The following ANK1 variants were observed in gnomAD, a reference collection of about 807,000 sequenced individuals.
ANK1 encodes the protein ankyrin 1.
Under a neutral mutation model 210.4 loss-of-function variants are expected in ANK1, and 51 were observed. The observed-to-expected ratio is 0.24, with a 90% CI of 0.19 to 0.31. ANK1 has a LOEUF of 0.31. ANK1 is among the 10% of genes least tolerant of loss of function. The probability of loss-of-function intolerance (pLI) is 1.00; values close to 1 mark genes in which losing one functional copy is unlikely to be tolerated. For synonymous variants in ANK1, 967 were observed against 1,025.9 expected, an observed-to-expected ratio of 0.94 and a Z score of 1.10; for missense variants, 2,051 against 2,504.4, an observed-to-expected ratio of 0.82 and a Z score of 3.86.
chr8:41,868,343 TATG>T (rs748349536), intron 1 of ANK1, among the ~76,000 whole-genome samples: 3 of 152,152 alleles, frequency 2.0e-5, no homozygotes, highest in Non-Finnish European at 2.9e-5. Context: ...TCCTCCCAAT[TATG>T]ATACCTTACA....
At chr8:41,837,372 T>C (rs974503247) in intron 1 of ANK1, among the ~76,000 whole-genome samples, 7 of 152,162 alleles carry the variant, frequency 4.6e-5, no homozygotes, top group African/African-American at 7.2e-5. Flanking sequence ...TTTTTATTAC[T>C]TGCGCTGTGG....
chr8:41,720,490 AG>A (rs1345989502), intron 9 of ANK1, among the ~76,000 whole-genome samples: 7 of 152,190 alleles, frequency 4.6e-5, no homozygotes, highest in Admixed American at 2.6e-4. Flanking sequence ...TAAAAGAGAG[AG>A]GAGACTCATT....
At chr8:41,792,987 T>A (rs1848052409) in intron 1 of ANK1, among the ~76,000 whole-genome samples, 1 of 152,196 alleles carries the variant, frequency 6.6e-6, no homozygotes, top group Admixed American at 6.5e-5. Flanking sequence ...GTCCCACCCA[T>A]GTAGAGTTTC....
rs190769777 is a variant in ANK1, at chr8:41,700,577, C to A, written c.2461+973G>T. On this transcript the variant is annotated intron_variant, in intron 22 of 42. Coordinates refer to ENST00000289734, the MANE Select transcript of ANK1 (RefSeq NM_000037.4). ...TTCTCTAGTTGACAAAGTTATACAA[C>A]CATGAAATTATCCAGATGGAAGGGA... 4,477 of 1,014,396 alleles carry A rather than the reference C, an allele frequency of 4.4e-3. 24 individuals are homozygous for A. Among genetic ancestry groups the A allele is most frequent in the Non-Finnish European group, 5.4e-3 (3,505 of 646,264 alleles). The allele number at this position is 1,014,396 out of a possible 1,614,324, so 62.8% of individuals were successfully genotyped here. A position where few individuals can be genotyped will look rare whatever the true frequency, so the allele number is the denominator to read the frequency against.
At chr8:41,872,088 A>T (rs1227184610) in intron 1 of ANK1, among the ~76,000 whole-genome samples, 1 of 152,164 alleles carries the variant, frequency 6.6e-6, no homozygotes, top group Admixed American at 6.5e-5. Flanking sequence ...TATTTCAGAA[A>T]CAGACGAGCC....
At chr8:41,730,042 A>G (rs1831725841) in intron 3 of ANK1, among the ~76,000 whole-genome samples, 1 of 152,374 alleles carries the variant, frequency 6.6e-6, no homozygotes, top group Non-Finnish European at 1.5e-5. Context: ...TCTTTTTACT[A>G]AACTACATAA....
chr8:41,745,539 G>A (rs909166839), intron 2 of ANK1, among the ~76,000 whole-genome samples: 1 of 152,208 alleles, frequency 6.6e-6, no homozygotes, highest in South Asian at 2.1e-4. Flanking sequence ...GGGAGGTAAG[G>A]AGGAGTGGTG....
chr8:41,674,301 A>T (rs1813464734), intron 37 of ANK1, among the ~76,000 whole-genome samples: 1 of 152,138 alleles, frequency 6.6e-6, no homozygotes, highest in Non-Finnish European at 1.5e-5. Context: ...CCAAACACAC[A>T]TGCACACACA....
In ANK1 at chr8:41,663,955, C is replaced by A. The variant is rs113301876; in HGVS notation, c.5395-213G>T. 1.7e-5 allele frequency: 11 copies of A among 644,368 alleles called. 1 individual carries two copies. Among genetic ancestry groups the A allele is most frequent in the East Asian group, 2.9e-5 (1 of 34,090 alleles). 39.9% of individuals were successfully genotyped at this position (644,368 alleles called of 1,614,324 possible). A position where few individuals can be genotyped will look rare whatever the true frequency, so the allele number is the denominator to read the frequency against. On this transcript the variant is annotated intron_variant, in intron 39 of 42. Coordinates refer to ENST00000289734, the MANE Select transcript of ANK1 (RefSeq NM_000037.4). Reference sequence around the variant, plus strand: ...AGGGTCTGGGAGGCCTGAAGACGAACGGTCGAGCTCACAATTGTGCACTTG... The same window carrying A: ...AGGGTCTGGGAGGCCTGAAGACGAAAGGTCGAGCTCACAATTGTGCACTTG...
intron 1 of ANK1, among the ~76,000 whole-genome samples, chr8:41,794,883 T>C (rs1414651715): frequency 6.6e-6 from 1 of 152,076 alleles, no homozygotes; most frequent in Admixed American, 6.6e-5. Flanking sequence ...TTTTTTTATT[T>C]TTAACAGAGG....
At chr8:41,771,969 G>A (rs911761959) in intron 1 of ANK1, among the ~76,000 whole-genome samples, 2 of 152,120 alleles carry the variant, frequency 1.3e-5, no homozygotes, top group Non-Finnish European at 1.5e-5. Context: ...ATTCTCAGGC[G>A]ACTCTGCCTC....
chr8:41,762,740 A>AG lies in ANK1; in HGVS notation c.28-4604_28-4603insC, dbSNP rs1336482947. On this transcript the variant is annotated intron_variant, in intron 1 of 42. Transcript: ENST00000289734. ...TGTCTAGATTCAGTTATTAGGAAAA[A>AG]CACTATATTATTCCCCAAGAATAAG... Among the ~76,000 whole-genome samples, 3 of 152,204 alleles carry AG rather than the reference A, an allele frequency of 2.0e-5. No homozygotes were observed. In the East Asian group the frequency reaches 5.8e-4, roughly 29 times the overall value.
At chr8:41,772,032 A>G (rs1375503621) in intron 1 of ANK1, among the ~76,000 whole-genome samples, 5 of 152,196 alleles carry the variant, frequency 3.3e-5, no homozygotes, top group Non-Finnish European at 5.9e-5. Flanking sequence ...GTGGCCAGTC[A>G]GAGACATGAA....
intron 1 of ANK1, among the ~76,000 whole-genome samples, chr8:41,848,185 CAAAA>C (rs1225240176): frequency 2.6e-5 from 2 of 76,124 alleles, no homozygotes; most frequent in Non-Finnish European, 5.7e-5. Context: ...GACTCAATTT[CAAAA>C]ATAAATAAAT....
intron 1 of ANK1, among the ~76,000 whole-genome samples, chr8:41,835,520 C>T (rs1034160046): frequency 3.3e-5 from 5 of 151,930 alleles, no homozygotes; most frequent in Non-Finnish European, 7.4e-5. Flanking sequence ...CAAAGACCTT[C>T]GGGCCGAGGC....
Position 41,698,058 on chromosome 8 carries a change from T to C in ANK1, c.2622A>G (p.Ser874=). 1 of 1,614,156 alleles carries C rather than the reference T, an allele frequency of 6.2e-7. No homozygotes were observed. Among genetic ancestry groups the C allele is most frequent in the East Asian group, 2.2e-5 (1 of 44,880 alleles). The change falls in exon 24 of 43, where the codon TCA becomes TCG. Residue 874 remains serine, a synonymous_variant. Coordinates refer to ENST00000289734, the MANE Select transcript of ANK1 (RefSeq NM_000037.4). ...CAMPETVVIR[S]EEQEQASKEY... is the part of the protein sequence containing the mutation. ...AGCTTCTCACCTGCTCCTGCTCTTCTGACCTGATCACCACTGTCTCAGGCA... is the reference window on the plus strand; with the variant it reads ...AGCTTCTCACCTGCTCCTGCTCTTCCGACCTGATCACCACTGTCTCAGGCA...
intron 40 of ANK1, among the ~76,000 whole-genome samples, chr8:41,662,894 A>G (rs1808971466): frequency 2.0e-5 from 3 of 151,958 alleles, no homozygotes; most frequent in Admixed American, 2.0e-4. Context: ...TCTGCTACCA[A>G]TCCAATGCAT....
Position 41,757,402 on chromosome 8 carries a change from G to T in ANK1, c.129+634C>A, listed in dbSNP as rs148431062. ...CCTGTTCCCTTCCTGGAGGGTCATT[G>T]CCTCTCTATTTAGTTAGTTCCTGGA... On this transcript the variant is annotated intron_variant, in intron 2 of 42. Coordinates refer to ENST00000289734, the MANE Select transcript of ANK1 (RefSeq NM_000037.4). 5.5e-3 allele frequency among the ~76,000 whole-genome samples: 831 copies of T among 152,248 alleles called. 8 individuals are homozygous for T. Among genetic ancestry groups the T allele is most frequent in the Non-Finnish European group, 7.7e-3 (527 of 68,014 alleles).
chr8:41,688,257 A>ACTAGCAGCCGGAGC, intron 34 of ANK1, 27 bp from the exon 35 acceptor site: 1 of 1,612,086 alleles, frequency 6.2e-7, no homozygotes, highest in Non-Finnish European at 8.5e-7. Context: ...GATTTCATTT[A>ACTAGCAGCCGGAGC]GTAGCCAGGG....
Sources: allele counts gnomAD v4.1 joint callset (sites outside exome capture counted in the v4.1 genomes callset), GRCh38; gene constraint gnomAD v4.1.1; transcripts MANE v1.5; gene names NCBI Gene and HGNC (gene_info 2026-07-23, HGNC 2026-07-21).